The following FAM227A variants were observed in gnomAD, a reference collection of about 807,000 sequenced individuals.
FAM227A encodes protein FAM227A.
In FAM227A, 80 loss-of-function variants were observed where a neutral mutation model predicts 74.7. That is an observed-to-expected ratio of 1.07 (90% CI 0.89 to 1.29). The LOEUF (loss-of-function observed/expected upper bound fraction) is 1.29. Ranked by LOEUF, FAM227A falls within the 50% of genes most tolerant of loss-of-function variation. The probability of loss-of-function intolerance (pLI) is 0.00; values close to 1 mark genes in which losing one functional copy is unlikely to be tolerated. For missense variants in FAM227A, 654 were observed against 683.4 expected, an observed-to-expected ratio of 0.96 and a Z score of 0.48; for synonymous variants, 237 against 241.8, an observed-to-expected ratio of 0.98 and a Z score of 0.19.
chr22:38,601,873 A>G (rs185225555), intron 13 of FAM227A, among the ~76,000 whole-genome samples: 1 of 151,992 alleles, frequency 6.6e-6, no homozygotes, highest in East Asian at 1.9e-4. Flanking sequence ...GGCGGTGGGA[A>G]AGTCAAGTCC....
chr22:38,626,996 C>T (rs1347961512), intron 8 of FAM227A, among the ~76,000 whole-genome samples: 1 of 141,606 alleles, frequency 7.1e-6, no homozygotes, highest in African/African-American at 2.6e-5. Context: ...ACTCAGGAGG[C>T]TGAGGTAGGG....
intron 16 of FAM227A, among the ~76,000 whole-genome samples, chr22:38,587,892 T>TC (rs979383397): frequency 6.6e-6 from 1 of 152,076 alleles, no homozygotes; most frequent in African/African-American, 2.4e-5. Flanking sequence ...CCCAGGTAGT[T>TC]CCCCTCAGTG....
intron 9 of FAM227A, among the ~76,000 whole-genome samples, chr22:38,623,799 TAATA>T (rs1362185524): frequency 2.6e-5 from 4 of 152,210 alleles, no homozygotes; most frequent in African/African-American, 4.8e-5. Flanking sequence ...ATCTGGCACA[TAATA>T]AATACAGTAG....
rs539873683 is a variant in FAM227A at position 38,626,307 on chromosome 22, C to A, written c.727-4G>T. ...TGCTGAGAAGTGATGGCAGCCTCTG[C>A]GGAGCAAGCCGAGCTCAGGCAACGT... is the stretch of plus-strand genomic sequence containing the variant. On this transcript the variant is annotated splice_polypyrimidine_tract_variant and splice_region_variant and intron_variant, in intron 8 of 16. Transcript: ENST00000535113. The A allele has an allele frequency of 6.5e-7, 1 of 1,550,014 alleles. No homozygotes were observed. The highest frequency in any genetic ancestry group is 2.4e-5 in the East Asian group (1 of 40,858).
At chr22:38,638,538 C>T (rs2092049259) in intron 5 of FAM227A, among the ~76,000 whole-genome samples, 2 of 152,202 alleles carry the variant, frequency 1.3e-5, no homozygotes, top group South Asian at 4.1e-4. Flanking sequence ...TAAACAGACA[C>T]ATGACCTCTG....
chr22:38,640,679 CA>C (rs2092096035), intron 3 of FAM227A, among the ~76,000 whole-genome samples: 1 of 152,188 alleles, frequency 6.6e-6, no homozygotes, highest in South Asian at 2.1e-4. Flanking sequence ...ACTCGTGGAA[CA>C]ATTAAATGCT....
intron 3 of FAM227A, among the ~76,000 whole-genome samples, chr22:38,642,146 C>T (rs1168546276): frequency 6.6e-6 from 1 of 152,182 alleles, no homozygotes; most frequent in African/African-American, 2.4e-5. Context: ...ACTGAAAAAT[C>T]AACAACTCTT....
chr22:38,605,312 G>A lies in FAM227A; in HGVS notation c.1163C>T (p.Thr388Met), dbSNP rs1025267794. The A allele has an allele frequency of 1.8e-5, 28 of 1,550,658 alleles. No homozygotes were observed. Among genetic ancestry groups the A allele is most frequent in the East Asian group, 9.8e-5 (4 of 40,906 alleles). ...TTCTGATATCCTCTTGACTTCTTGCGTAGGTTTCTTCAAGACCAGGGTCTG... is the reference window on the plus strand; with the variant it reads ...TTCTGATATCCTCTTGACTTCTTGCATAGGTTTCTTCAAGACCAGGGTCTG... ...HCQTLVLKKP[T>M]QEVKRISEAR... The change falls in exon 13 of 17, where the codon ACG becomes ATG. Residue 388 changes from threonine (T) to methionine (M), a missense_variant. Thr to Met is a moderately conservative substitution (Grantham distance 81). Transcript: ENST00000535113.
chr22:38,652,324 C>T (rs2092334182), intron 1 of FAM227A, among the ~76,000 whole-genome samples: 3 of 152,108 alleles, frequency 2.0e-5, no homozygotes, highest in Admixed American at 1.3e-4. Context: ...CGCAGTGGCT[C>T]ACACCTGTAA....
At chr22:38,616,678 A>T (rs1474370420) in intron 11 of FAM227A, among the ~76,000 whole-genome samples, 3 of 152,034 alleles carry the variant, frequency 2.0e-5, no homozygotes, top group Admixed American at 1.3e-4. Flanking sequence ...AAAAAAAAAA[A>T]AAATAATAAG....
chr22:38,606,804 T>C (rs985166829), intron 12 of FAM227A, among the ~76,000 whole-genome samples: 1 of 152,212 alleles, frequency 6.6e-6, no homozygotes, highest in Non-Finnish European at 1.5e-5. Flanking sequence ...GTCTTAAATT[T>C]ATTTTCTTCT....
At chr22:38,636,618 A>T (rs1035403805) in intron 5 of FAM227A, 21 bp from the exon 6 acceptor site, 8 of 1,548,320 alleles carry the variant, frequency 5.2e-6, no homozygotes, top group Non-Finnish European at 7.0e-6. Flanking sequence ...AGAGCAGAAT[A>T]TGAAAATGGG....
Position 38,582,152 on chromosome 22 carries a change from A to T in FAM227A, c.*3973T>A, listed in dbSNP as rs1440358015. The T allele has an allele frequency of 1.7e-6, 1 of 597,284 alleles. No homozygotes were observed. The highest frequency in any genetic ancestry group is 3.0e-5 in the Admixed American group (1 of 33,436). 37.0% of individuals were successfully genotyped at this position (597,284 alleles called of 1,614,324 possible). A position where few individuals can be genotyped will look rare whatever the true frequency, so the allele number is the denominator to read the frequency against. On this transcript the variant is annotated 3_prime_UTR_variant, in exon 17 of 17. Coordinates refer to ENST00000535113, the MANE Select transcript of FAM227A (RefSeq NM_001013647.2). ...CACCCATGAGCCATTCACCACAATC[A>T]AGATAGTAGACATATCTGTCACCCC...
chr22:38,648,306 A>T (rs925052548), intron 2 of FAM227A, among the ~76,000 whole-genome samples: 8 of 57,648 alleles, frequency 1.4e-4, no homozygotes, highest in African/African-American at 4.6e-4. Context: ...CAACTTGATT[A>T]AAAAAAAAAA....
chr22:38,612,331 C>T (rs923601412), intron 11 of FAM227A, among the ~76,000 whole-genome samples: 4 of 152,210 alleles, frequency 2.6e-5, no homozygotes, highest in South Asian at 2.1e-4. Flanking sequence ...TCCCAGCCTT[C>T]GCTTGTGCTT....
At chr22:38,603,889 T>G (rs994721482) in intron 13 of FAM227A, among the ~76,000 whole-genome samples, 2 of 152,052 alleles carry the variant, frequency 1.3e-5, no homozygotes, top group African/African-American at 4.8e-5. Flanking sequence ...TAATATAAAA[T>G]ATTGGGAAAA....
At chr22:38,599,465 A>G (rs906492217) in intron 14 of FAM227A, among the ~76,000 whole-genome samples, 3 of 152,178 alleles carry the variant, frequency 2.0e-5, no homozygotes, top group Admixed American at 6.5e-5. Flanking sequence ...TAGTTTCAAT[A>G]TATGTTAGAA....
chr22:38,626,891 A>AAAAAAAAATATATAT (rs1555966996), intron 8 of FAM227A, among the ~76,000 whole-genome samples: 3 of 57,688 alleles, frequency 5.2e-5, no homozygotes, highest in African/African-American at 2.6e-4. Context: ...AAAAAAAAAA[A>AAAAAAAAATATATAT]ATATATATAT....
rs915426309 is a variant in FAM227A, at chr22:38,582,538, T to C, written c.*3587A>G. On this transcript the variant is annotated 3_prime_UTR_variant, in exon 17 of 17. Transcript: ENST00000535113. ...ATAAAGGGCAAATAATTCTTCCCCATAATTTTCCCTTCTAATGTTTACAAA... is the reference window on the plus strand; with the variant it reads ...ATAAAGGGCAAATAATTCTTCCCCACAATTTTCCCTTCTAATGTTTACAAA... The C allele has an allele frequency of 9.7e-7, 1 of 1,027,448 alleles. No individual in the cohort carries two copies. The highest frequency in any genetic ancestry group is 2.6e-5 in the East Asian group (1 of 38,482). The allele number at this position is 1,027,448 out of a possible 1,614,324, so 63.6% of individuals were successfully genotyped here.
Sources: gnomAD v4.1 joint callset for allele counts (sites outside exome capture counted in the v4.1 genomes callset) on GRCh38, gnomAD v4.1.1 for gene constraint, MANE v1.5 for transcripts, NCBI Gene and HGNC (gene_info 2026-07-23, HGNC 2026-07-21) for gene names.